Variants in FAM184A observed in about 807,000 individuals in gnomAD.
The protein encoded by FAM184A is family with sequence similarity 184 member A.
A neutral mutation model predicts 143.8 loss-of-function variants in FAM184A; 99 were observed. That is an observed-to-expected ratio of 0.69 (90% CI 0.58 to 0.81). FAM184A has a LOEUF of 0.81. Among genes scored for constraint, FAM184A ranks in the 40% least tolerant of loss-of-function variants. The pLI, the probability that FAM184A is intolerant of heterozygous loss-of-function variation, is 0.00. For missense variants in FAM184A, 1,217 were observed against 1,310.5 expected, an observed-to-expected ratio of 0.93 and a Z score of 1.10; for synonymous variants, 427 against 446.4, an observed-to-expected ratio of 0.96 and a Z score of 0.55.
At chr6:119,088,705 G>A (rs1788291542) in intron 1 of FAM184A, among the ~76,000 whole-genome samples, 1 of 152,132 alleles carries the variant, frequency 6.6e-6, no homozygotes, top group African/African-American at 2.4e-5. Flanking sequence ...GTATTTGAAT[G>A]GGACTCAATC....
rs1453036211 is a variant in FAM184A at position 119,002,313 on chromosome 6, AGTT to A, written c.2088+583_2088+585del. The stretch of plus-strand genomic sequence containing the variant: ...AATGTTAAGAATTAATAAATTTAAA[AGTT>A]GTGTAAATGAGTGAAAATGTGCAAA... On this transcript the variant is annotated intron_variant, in intron 9 of 17. Coordinates refer to ENST00000338891, the MANE Select transcript of FAM184A (RefSeq NM_024581.6). 3.3e-5 allele frequency among the ~76,000 whole-genome samples: 5 copies of A among 152,282 alleles called. No individual in the cohort carries two copies. In the East Asian group the frequency reaches 7.7e-4, roughly 23 times the overall value.
rs9401128 is a variant in FAM184A, at chr6:119,142,211, C to T, written c.-202+6867G>A. 6.2e-4 allele frequency among the ~76,000 whole-genome samples: 95 copies of T among 152,248 alleles called. 2 individuals carry two copies. The East Asian group carries it at 0.014, about 22-fold the overall frequency. ...AAGACAATATATCAGCTAGGCAGCC[C>T]AAGCCTCTCTAGGGTGTGGTATTTA... On this transcript the variant is annotated intron_variant, in intron 1 of 16. Coordinates refer to the FAM184A transcript ENST00000352896.
chr6:119,088,676 T>C (rs1473839677), intron 1 of FAM184A, among the ~76,000 whole-genome samples: 1 of 152,188 alleles, frequency 6.6e-6, no homozygotes, highest in Non-Finnish European at 1.5e-5. Context: ...CTCAATGTTA[T>C]GCCTCTTAGG....
In FAM184A at chr6:119,078,177, G is replaced by C; in HGVS notation, c.123C>G (p.His41Gln). 1 of 1,592,870 alleles carries C rather than the reference G, an allele frequency of 6.3e-7. No individual in the cohort carries two copies. Among genetic ancestry groups the C allele is most frequent in the Non-Finnish European group, 8.5e-7 (1 of 1,171,490 alleles). The change falls in exon 1 of 18, where the codon CAC (histidine) becomes CAG (glutamine). Residue 41 changes from histidine (H) to glutamine (Q), a missense_variant. Coordinates refer to ENST00000338891, the MANE Select transcript of FAM184A (RefSeq NM_024581.6). The surrounding 1 kb of genome is among the most constrained non-coding windows in gnomAD (Gnocchi z 5.5). Reference protein sequence around the residue: ...GHSMDYSQEMHLKMSKKIAQL... With the variant: ...GHSMDYSQEMQLKMSKKIAQL... ...GGGCGATTTTCTTGCTCATTTTCAG[G>C]TGCATCTCCTGGCTGTAGTCCATGC... is the stretch of plus-strand genomic sequence containing the variant.
At chr6:118,965,205 GTTT>G (rs5879475) in intron 15 of FAM184A, among the ~76,000 whole-genome samples, 5 of 131,028 alleles carry the variant, frequency 3.8e-5, no homozygotes, top group Admixed American at 7.9e-5. Flanking sequence ...TTTTTTGTTT[GTTT>G]TTTTTTTTTT....
rs111672889 is a variant in FAM184A, at chr6:119,022,825, C to T, written c.1150+120G>A. 6.2e-3 allele frequency: 7,365 copies of T among 1,189,686 alleles called. 328 individuals are homozygous for T. In the African/African-American group the frequency reaches 0.094, roughly 15 times the overall value. The allele number at this position is 1,189,686 out of a possible 1,614,324, so 73.7% of individuals were successfully genotyped here. On this transcript the variant is annotated intron_variant, in intron 3 of 17. Transcript: ENST00000338891. ...CCAGGAGGCAGAGGTTGCAATGAGC[C>T]GAGATTGAGCCACTGCACTCCCGTC...
At chr6:119,039,421 C>T (rs181019084) in intron 1 of FAM184A, among the ~76,000 whole-genome samples, 86 of 152,198 alleles carry the variant, frequency 5.7e-4, no homozygotes, top group African/African-American at 2.0e-3. Flanking sequence ...CTGATCCAGA[C>T]GATGGAATAT....
In FAM184A at chr6:118,966,863, T is replaced by A. The variant is rs774532730; in HGVS notation, c.3005A>T (p.Glu1002Val). ...MITELKAMLT[E>V]RDQIIKKLIE... ...TAGTTTCTTTATGATCTGGTCTCTT[T>A]CTGTAAGCATGGCTTTTAATTCTGT... The change falls in exon 15 of 18, where the codon GAA becomes GTA. Residue 1002 changes from glutamate to valine, a missense_variant. Physicochemically the swap from Glu to Val is moderately radical, Grantham distance 121. Coordinates refer to ENST00000338891, the MANE Select transcript of FAM184A (RefSeq NM_024581.6). 1.4e-5 allele frequency: 22 copies of A among 1,592,334 alleles called. No individual in the cohort carries two copies. The highest frequency in any genetic ancestry group is 1.8e-5 in the Non-Finnish European group (21 of 1,163,098).
chr6:119,090,212 C>G (rs1338453532), intron 1 of FAM184A, among the ~76,000 whole-genome samples: 1 of 152,248 alleles, frequency 6.6e-6, no homozygotes, highest in Non-Finnish European at 1.5e-5. Flanking sequence ...TTGGTTACCA[C>G]TTTGGTCAAT....
intron 15 of FAM184A, among the ~76,000 whole-genome samples, chr6:118,966,083 C>T (rs2114539845): frequency 6.6e-6 from 1 of 152,298 alleles, no homozygotes; most frequent in South Asian, 2.1e-4. Flanking sequence ...AACTTCTAGT[C>T]TCAGACAACA....
At chr6:119,138,032 A>C (rs1170918249) in intron 1 of FAM184A, among the ~76,000 whole-genome samples, 1 of 152,242 alleles carries the variant, frequency 6.6e-6, no homozygotes, top group Non-Finnish European at 1.5e-5. Context: ...TAGGGAAATC[A>C]CTAACTTTCA....
rs758805223 is a variant in FAM184A, at chr6:119,024,387, G to C, written c.586C>G (p.Arg196Gly). 2 of 1,614,058 alleles carry C rather than the reference G, an allele frequency of 1.2e-6. No individual in the cohort carries two copies. Among genetic ancestry groups the C allele is most frequent in the Admixed American group, 3.3e-5 (2 of 60,014 alleles). Reference protein sequence around the residue: ...ALEDLQAAHRREIQELLKSQQ... With the variant: ...ALEDLQAAHRGEIQELLKSQQ... ...GACTTCAATAGCTCTTGTATCTCCC[G>C]TCTGTGAGCAGCTTGCAAGTCTTCC... The change falls in exon 2 of 18, where the codon CGG becomes GGG. Residue 196 changes from arginine to glycine, a missense_variant. Physicochemically the swap from Arg to Gly is moderately radical, Grantham distance 125 (BLOSUM62 -2). Coordinates refer to ENST00000338891, the MANE Select transcript of FAM184A (RefSeq NM_024581.6).
chr6:119,025,692 T>C (rs1785608283), intron 1 of FAM184A: 1 of 496,734 alleles, frequency 2.0e-6, no homozygotes, highest in East Asian at 5.5e-5. Context: ...ACGGTGAAAT[T>C]TTCATGACTG....
At chr6:118,995,288 C>T (rs1191638167) in intron 9 of FAM184A, among the ~76,000 whole-genome samples, 1 of 151,830 alleles carries the variant, frequency 6.6e-6, no homozygotes, top group African/African-American at 2.4e-5. Flanking sequence ...GTGGTGATAC[C>T]TGCCTGTAGT....
chr6:119,042,358 C>T (rs1332032013), intron 1 of FAM184A, among the ~76,000 whole-genome samples: 2 of 152,152 alleles, frequency 1.3e-5, no homozygotes, highest in African/African-American at 4.8e-5. Context: ...GGATGCATTC[C>T]CCAAAACTGG....
chr6:119,005,977 G>T, intron 7 of FAM184A: 1 of 620,328 alleles, frequency 1.6e-6, no homozygotes, highest in Non-Finnish European at 3.0e-6. Flanking sequence ...AAGATATACC[G>T]AAGTCCTACC....
intron 9 of FAM184A, among the ~76,000 whole-genome samples, chr6:118,994,685 C>CTAAA (rs201223261): frequency 7.3e-5 from 10 of 137,604 alleles, no homozygotes; most frequent in African/African-American, 2.7e-4. Flanking sequence ...GACTCCATCT[C>CTAAA]TAAATAAATA....
At chr6:119,045,296 T>TG (rs1323389303) in intron 1 of FAM184A, among the ~76,000 whole-genome samples, 2 of 151,530 alleles carry the variant, frequency 1.3e-5, no homozygotes, top group Non-Finnish European at 2.9e-5. Flanking sequence ...TCTCAATTTT[T>TG]TTTTTTTTTT....
At chr6:118,960,721 C>A (rs1259781076) in intron 17 of FAM184A, 1 of 1,027,110 alleles carries the variant, frequency 9.7e-7, no homozygotes, top group Admixed American at 2.2e-5. Flanking sequence ...TTTCTTAATT[C>A]TAACTAAAGA....
Sources: gnomAD v4.1 joint callset for allele counts (sites outside exome capture counted in the v4.1 genomes callset) on GRCh38, gnomAD v4.1.1 for gene constraint, Gnocchi (gnomAD v3.1) non-coding constraint, MANE v1.5 for transcripts, NCBI Gene and HGNC (gene_info 2026-07-23, HGNC 2026-07-21) for gene names.